Variants in PICALM observed in about 807,000 individuals in gnomAD.
The protein encoded by PICALM is phosphatidylinositol-binding clathrin assembly protein.
In PICALM, 40 loss-of-function variants were observed where a neutral mutation model predicts 80.5. The observed-to-expected ratio is 0.50, with a 90% CI of 0.39 to 0.65. PICALM has a LOEUF of 0.65. Ranked by LOEUF, PICALM falls within the 30% of genes least tolerant of loss-of-function variation. The pLI is 0.00. For missense variants in PICALM, 676 were observed against 778.9 expected (o/e 0.87, Z 1.57); for synonymous variants, 288 against 260.3 (o/e 1.11, Z -1.02).
intron 17 of PICALM, chr11:85,978,123 A>G (rs752188373): frequency 1.3e-6 from 2 of 1,589,724 alleles, no homozygotes; most frequent in South Asian, 2.2e-5. Flanking sequence ...CAATTACATA[A>G]TGCAATAACA....
rs116133738 is a variant in PICALM, at chr11:86,054,302, A to C, written c.130+14349T>G. Among the ~76,000 whole-genome samples the C allele has an allele frequency of 5.9e-3, 902 of 152,334 alleles. 11 individuals carry two copies. The highest frequency in any genetic ancestry group is 0.02 in the African/African-American group (852 of 41,576). ...ACAAACTATGTGTGAAAAGGAAAAA[A>C]TACATTGCTAGTTTCACAGCACTGG... On this transcript the variant is annotated intron_variant, in intron 1 of 19. Coordinates refer to ENST00000393346, the MANE Select transcript of PICALM (RefSeq NM_007166.4).
intron 1 of PICALM, among the ~76,000 whole-genome samples, chr11:86,050,572 T>G (rs1167112899): frequency 6.6e-6 from 1 of 152,196 alleles, no homozygotes; most frequent in Non-Finnish European, 1.5e-5. Context: ...TTAAGGATCC[T>G]GGCAACAATA....
chr11:85,979,808 A>C (rs1246941084), intron 17 of PICALM, among the ~76,000 whole-genome samples: 2 of 152,202 alleles, frequency 1.3e-5, no homozygotes, highest in Non-Finnish European at 2.9e-5. Flanking sequence ...CGTGTAATCA[A>C]AACACAGCTA....
At chr11:86,003,520 C>T in intron 8 of PICALM, 69 bp from the exon 9 acceptor site, 1 of 935,954 alleles carries the variant, frequency 1.1e-6, no homozygotes, top group Non-Finnish European at 1.6e-6. Context: ...CAAGTATCAT[C>T]TAATTAGAGA....
chr11:86,046,266 G>C (rs11234530), intron 1 of PICALM, among the ~76,000 whole-genome samples: 3,885 of 152,056 alleles, frequency 0.026, 174 homozygotes, highest in African/African-American at 0.089. Context: ...ACTATAACAA[G>C]ACTAACCAAC....
At chr11:85,963,735 A>AT (rs2093772012) in intron 19 of PICALM, among the ~76,000 whole-genome samples, 2 of 151,822 alleles carry the variant, frequency 1.3e-5, no homozygotes, top group South Asian at 2.1e-4. Context: ...CAGAGCAATG[A>AT]TTTTTTTGGT....
intron 4 of PICALM, among the ~76,000 whole-genome samples, chr11:86,017,615 CAG>C (rs1376893126): frequency 2.0e-5 from 3 of 152,134 alleles, no homozygotes; most frequent in African/African-American, 7.2e-5. Context: ...TGAAATAACT[CAG>C]AGCTTAAGTA....
Position 86,058,643 on chromosome 11 carries a change from C to T in PICALM, c.130+10008G>A, listed in dbSNP as rs376275882. On this transcript the variant is annotated intron_variant, in intron 1 of 19. Transcript: ENST00000393346. ...CCTATTTTTACCACCATTGCTACCA[C>T]CACCCTAACCTTTGCCTATTATCTC... Among the ~76,000 whole-genome samples, 256 of 152,294 alleles carry T rather than the reference C, an allele frequency of 1.7e-3. 1 individual carries two copies. The highest frequency in any genetic ancestry group is 5.8e-3 in the African/African-American group (243 of 41,560).
In PICALM at chr11:86,014,935, T is replaced by G. The variant is rs1374565778; in HGVS notation, c.481A>C (p.Thr161Pro). Residue 161 changes from threonine to proline, a missense_variant, in exon 5 of 20, where the codon ACA (threonine) becomes CCA (proline). Thr to Pro is a conservative substitution (Grantham distance 38, BLOSUM62 -1). Coordinates refer to ENST00000393346, the MANE Select transcript of PICALM (RefSeq NM_007166.4). Reference sequence around the variant, plus strand: ...GGTACAGTTTTTAGGAGTTTTTCTGTGTTCATTGTTCTCATAACTCCATCA... The same window carrying G: ...GGTACAGTTTTTAGGAGTTTTTCTGGGTTCATTGTTCTCATAACTCCATCA... ...GADGVMRTMN[T>P]EKLLKTVPII... The G allele has an allele frequency of 6.3e-7, 1 of 1,594,070 alleles. No individual in the cohort carries two copies. Among genetic ancestry groups the G allele is most frequent in the African/African-American group, 1.4e-5 (1 of 74,050 alleles).
chr11:85,961,921 T>C (rs1338727738), intron 19 of PICALM, among the ~76,000 whole-genome samples: 1 of 152,130 alleles, frequency 6.6e-6, no homozygotes, highest in Non-Finnish European at 1.5e-5. Flanking sequence ...GAACAGCCAA[T>C]GAGCTTCGGC....
At chr11:85,987,658 G>A (rs1210123767) in intron 13 of PICALM, among the ~76,000 whole-genome samples, 1 of 152,200 alleles carries the variant, frequency 6.6e-6, no homozygotes, top group Non-Finnish European at 1.5e-5. Flanking sequence ...TTTTCTGAGA[G>A]ATAGGGTCTT....
At chr11:86,067,483 T>TAA (rs1166200893) in intron 1 of PICALM, among the ~76,000 whole-genome samples, 1 of 152,168 alleles carries the variant, frequency 6.6e-6, no homozygotes, top group Non-Finnish European at 1.5e-5. Flanking sequence ...GTATTACAGG[T>TAA]GACTTCCAGG....
chr11:85,988,203 T>C (rs1201426405), intron 13 of PICALM, among the ~76,000 whole-genome samples: 1 of 152,166 alleles, frequency 6.6e-6, no homozygotes, highest in Non-Finnish European at 1.5e-5. Context: ...ACATAGATAA[T>C]ACAAAACTTC....
chr11:86,027,630 C>T (rs2095670284), intron 2 of PICALM, among the ~76,000 whole-genome samples: 1 of 151,812 alleles, frequency 6.6e-6, no homozygotes, highest in South Asian at 2.1e-4. Context: ...ACCCACCATC[C>T]ACCCCTCACC....
At chr11:86,009,977 T>C (rs1039949156) in intron 7 of PICALM, among the ~76,000 whole-genome samples, 2 of 152,212 alleles carry the variant, frequency 1.3e-5, no homozygotes, top group Non-Finnish European at 2.9e-5. Flanking sequence ...TTCTGTCCTA[T>C]TGCATCTAAT....
At chr11:86,036,957 AT>A (rs1045554932) in intron 1 of PICALM, among the ~76,000 whole-genome samples, 1 of 149,746 alleles carries the variant, frequency 6.7e-6, no homozygotes, top group Admixed American at 6.6e-5. Flanking sequence ...AAAAAAAAAA[AT>A]TTTTTTTGAG....
At chr11:86,062,794 C>T (rs977121140) in intron 1 of PICALM, among the ~76,000 whole-genome samples, 3 of 152,094 alleles carry the variant, frequency 2.0e-5, no homozygotes, top group African/African-American at 7.2e-5. Context: ...ATACAAAATA[C>T]TAAAAGGTCA....
chr11:86,040,905 A>G (rs1376695776), intron 1 of PICALM, among the ~76,000 whole-genome samples: 1 of 152,116 alleles, frequency 6.6e-6, no homozygotes, highest in Non-Finnish European at 1.5e-5. Flanking sequence ...CTCCCCTACT[A>G]AACTGAGGTC....
intron 1 of PICALM, among the ~76,000 whole-genome samples, chr11:86,057,499 T>C (rs943284941): frequency 3.3e-5 from 5 of 151,880 alleles, no homozygotes; most frequent in African/African-American, 9.7e-5. Flanking sequence ...GATCGTGCCA[T>C]TGCACTCCAG....
Sources: allele counts gnomAD v4.1 joint callset (sites outside exome capture counted in the v4.1 genomes callset), GRCh38; gene constraint gnomAD v4.1.1; transcripts MANE v1.5; gene names NCBI Gene and HGNC (gene_info 2026-07-23, HGNC 2026-07-21).